The following GOLM2 variants were observed in gnomAD, a reference collection of about 807,000 sequenced individuals.
GOLM2 encodes golgi membrane protein 2.
In GOLM2, 26 loss-of-function variants were observed where a neutral mutation model predicts 55.9. That is an observed-to-expected ratio of 0.47 (90% confidence interval 0.34 to 0.65). The LOEUF (loss-of-function observed/expected upper bound fraction) is 0.65. Among genes scored for constraint, GOLM2 ranks in the 30% least tolerant of loss-of-function variants. GOLM2 has a pLI of 0.01. For missense variants in GOLM2, 486 were observed against 531.8 expected (o/e 0.91, Z 0.85); for synonymous variants, 165 against 194.6 (o/e 0.85, Z 1.27).
chr15:44,343,319 A>G (rs551627913), intron 6 of GOLM2, among the ~76,000 whole-genome samples: 1 of 151,880 alleles, frequency 6.6e-6, no homozygotes, highest in South Asian at 2.1e-4. Flanking sequence ...GAAGACAGAA[A>G]AAAAAAAAAA....
intron 9 of GOLM2, among the ~76,000 whole-genome samples, chr15:44,411,169 A>C (rs1407947193): frequency 6.6e-6 from 1 of 151,614 alleles, no homozygotes; most frequent in Non-Finnish European, 1.5e-5. Flanking sequence ...CTACAGGTAC[A>C]CACAACCATG....
rs2078898191 is a variant in GOLM2 at position 44,314,843 on chromosome 15, T to G, written c.328-8122T>G. On this transcript the variant is annotated intron_variant, in intron 1 of 9. Transcript: ENST00000299957. ...TGACTGAGGACACAGTTTCCTCATT[T>G]GTGAAATGGGGAAAAATAACTATGC... 2.0e-5 allele frequency among the ~76,000 whole-genome samples: 3 copies of G among 152,308 alleles called. No homozygotes were observed. In the South Asian group the frequency reaches 6.2e-4, roughly 32 times the overall value.
chr15:44,337,492 C>T (rs1276644890), intron 4 of GOLM2, among the ~76,000 whole-genome samples: 1 of 152,078 alleles, frequency 6.6e-6, no homozygotes. Context: ...TGCAGAATCA[C>T]ACACCTCAGC....
chr15:44,400,295 C>T (rs1227275842), intron 8 of GOLM2, among the ~76,000 whole-genome samples: 1 of 151,654 alleles, frequency 6.6e-6, no homozygotes, highest in Non-Finnish European at 1.5e-5. Flanking sequence ...TTACTTCAGT[C>T]TCCTGTTGTC....
chr15:44,290,849 A>G (rs562729662), intron 1 of GOLM2, among the ~76,000 whole-genome samples: 84 of 151,850 alleles, frequency 5.5e-4, no homozygotes, highest in African/African-American at 2.0e-3. Context: ...TTGCCCAGGC[A>G]GGAGTGCAAT....
chr15:44,312,716 C>T (rs2078882491), intron 1 of GOLM2, among the ~76,000 whole-genome samples: 1 of 152,156 alleles, frequency 6.6e-6, no homozygotes, highest in South Asian at 2.1e-4. Context: ...GAGGCCAAAG[C>T]AGGCAGATCA....
chr15:44,361,259 C>T (rs1423386659), intron 6 of GOLM2, among the ~76,000 whole-genome samples: 3 of 151,924 alleles, frequency 2.0e-5, no homozygotes, highest in Non-Finnish European at 4.4e-5. Context: ...ATTAATGAAT[C>T]GAGCTGGTTT....
intron 4 of GOLM2, among the ~76,000 whole-genome samples, chr15:44,336,406 C>T (rs1388777052): frequency 2.6e-5 from 4 of 152,100 alleles, no homozygotes; most frequent in East Asian, 3.9e-4. Context: ...CATGAGCCGC[C>T]GTGCCTGGCC....
Position 44,390,995 on chromosome 15 carries a change from A to G in GOLM2, c.1072+10019A>G, listed in dbSNP as rs185665269. On this transcript the variant is annotated intron_variant, in intron 8 of 9. Coordinates refer to ENST00000299957, the MANE Select transcript of GOLM2 (RefSeq NM_138423.4). ...AGCTGCAACATGAATTTTGGAGAGG[A>G]CACATTCAAACTGTGGCAATTATTA... Among the ~76,000 whole-genome samples the G allele has an allele frequency of 4.5e-3, 678 of 152,322 alleles. 4 individuals are homozygous for G. Among genetic ancestry groups the G allele is most frequent in the African/African-American group, 0.016 (646 of 41,564 alleles).
chr15:44,412,300 C>A (rs2141222865), intron 9 of GOLM2, among the ~76,000 whole-genome samples: 1 of 152,264 alleles, frequency 6.6e-6, no homozygotes, highest in African/African-American at 2.4e-5. Context: ...GTGATCACAA[C>A]TCATAGCCAA....
At chr15:44,394,091 C>T (rs780831435) in intron 8 of GOLM2, among the ~76,000 whole-genome samples, 1 of 152,168 alleles carries the variant, frequency 6.6e-6, no homozygotes, top group Non-Finnish European at 1.5e-5. Context: ...GGAGGAACAA[C>T]TCTATTCACC....
chr15:44,412,864 A>T (rs1043411076), intron 9 of GOLM2, among the ~76,000 whole-genome samples: 1 of 152,054 alleles, frequency 6.6e-6, no homozygotes, highest in Non-Finnish European at 1.5e-5. Context: ...TTAGCCAGGC[A>T]TGGTGACAGG....
At chr15:44,309,650 T>A (rs2141118713) in intron 1 of GOLM2, among the ~76,000 whole-genome samples, 1 of 152,328 alleles carries the variant, frequency 6.6e-6, no homozygotes, top group South Asian at 2.1e-4. Context: ...CTTTACATAG[T>A]AATAGCTAAT....
chr15:44,291,947 G>A (rs1387365742), intron 1 of GOLM2, among the ~76,000 whole-genome samples: 2 of 152,068 alleles, frequency 1.3e-5, no homozygotes, highest in Non-Finnish European at 2.9e-5. Context: ...CATTAATAAA[G>A]AAGGCTATTC....
intron 4 of GOLM2, among the ~76,000 whole-genome samples, chr15:44,333,616 G>A (rs1305133587): frequency 6.6e-6 from 1 of 152,146 alleles, no homozygotes; most frequent in African/African-American, 2.4e-5. Context: ...AGGGTCAAAA[G>A]AACATAATGG....
At chr15:44,408,547 T>C (rs2079612788) in intron 9 of GOLM2, among the ~76,000 whole-genome samples, 1 of 152,246 alleles carries the variant, frequency 6.6e-6, no homozygotes, top group Non-Finnish European at 1.5e-5. Context: ...TCTATTTTCC[T>C]GAGAAGATAA....
chr15:44,325,922 TG>T (rs1239608812), intron 2 of GOLM2, among the ~76,000 whole-genome samples: 2 of 152,206 alleles, frequency 1.3e-5, no homozygotes, highest in Non-Finnish European at 1.5e-5. Context: ...TTATTTGAGA[TG>T]GGGGGTAAAT....
At chr15:44,371,997 G>A (rs911206232) in intron 6 of GOLM2, among the ~76,000 whole-genome samples, 1 of 152,032 alleles carries the variant, frequency 6.6e-6, no homozygotes, top group African/African-American at 2.4e-5. Flanking sequence ...GATCATGCAG[G>A]GTAAATGGCA....
intron 1 of GOLM2, among the ~76,000 whole-genome samples, chr15:44,313,912 C>T (rs138896681): frequency 1.0e-3 from 155 of 152,200 alleles, no homozygotes; most frequent in African/African-American, 3.3e-3. Flanking sequence ...TATAGCCAGT[C>T]AAGACCAAAG....
Sources: allele counts gnomAD v4.1 joint callset (sites outside exome capture counted in the v4.1 genomes callset), GRCh38; gene constraint gnomAD v4.1.1; transcripts MANE v1.5; gene names NCBI Gene and HGNC (gene_info 2026-07-23, HGNC 2026-07-21).